Variants in RALGAPA2 observed in about 807,000 individuals in gnomAD.
The protein encoded by RALGAPA2 is Ral GTPase activating protein catalytic subunit alpha 2.
A neutral mutation model predicts 230.4 loss-of-function variants in RALGAPA2; 139 were observed. The observed-to-expected ratio is 0.60, with a 90% CI of 0.53 to 0.69. The LOEUF (loss-of-function observed/expected upper bound fraction) is 0.69, where lower values mean the gene tolerates loss of function less well. Among genes scored for constraint, RALGAPA2 ranks in the 30% least tolerant of loss-of-function variants. The probability of loss-of-function intolerance (pLI) is 0.00; values close to 1 mark genes in which losing one functional copy is unlikely to be tolerated. For missense variants in RALGAPA2, 2,163 were observed against 2,276.0 expected, an observed-to-expected ratio of 0.95 and a Z score of 1.01; for synonymous variants, 847 against 837.8, an observed-to-expected ratio of 1.01 and a Z score of -0.19.
intron 36 of RALGAPA2, among the ~76,000 whole-genome samples, chr20:20,493,643 A>C (rs2062125035): frequency 6.6e-6 from 1 of 152,220 alleles, no homozygotes; most frequent in Non-Finnish European, 1.5e-5. Flanking sequence ...TAATAAAGCC[A>C]ATTAATCCAT....
chr20:20,503,425 T>A lies in RALGAPA2; in HGVS notation c.5134A>T (p.Thr1712Ser). 6.2e-7 allele frequency: 1 copy of A among 1,609,572 alleles called. No homozygotes were observed. The highest frequency in any genetic ancestry group is 8.5e-7 in the Non-Finnish European group (1 of 1,177,200). Reference protein sequence around the residue: ...STGQTAPYYATSTVEVIFHVS... With the variant: ...STGQTAPYYASSTVEVIFHVS... ...TGGAAAATCACTTCCACAGTTGAGGTAGCATAGTAAGGGGCCGTCTGCCCG... is the reference window on the plus strand; with the variant it reads ...TGGAAAATCACTTCCACAGTTGAGGAAGCATAGTAAGGGGCCGTCTGCCCG... The change falls in exon 35 of 40, where the codon ACC becomes TCC. Residue 1712 changes from threonine to serine, a missense_variant. Physicochemically the swap from Thr to Ser is moderately conservative, Grantham distance 58. Coordinates refer to ENST00000202677, the MANE Select transcript of RALGAPA2 (RefSeq NM_020343.4).
chr20:20,407,558 AGAG>A (rs1444189304), intron 38 of RALGAPA2, among the ~76,000 whole-genome samples: 1 of 152,200 alleles, frequency 6.6e-6, no homozygotes, highest in African/African-American at 2.4e-5. Context: ...GTGAGTTCTA[AGAG>A]GAGTTTGTGT....
chr20:20,680,359 T>G (rs1422412632), intron 2 of RALGAPA2, among the ~76,000 whole-genome samples: 1 of 152,222 alleles, frequency 6.6e-6, no homozygotes, highest in Non-Finnish European at 1.5e-5. Context: ...GACACTTGAG[T>G]GTTCATTTCA....
At chr20:20,597,675 C>T (rs1324456699) in intron 16 of RALGAPA2, among the ~76,000 whole-genome samples, 1 of 152,028 alleles carries the variant, frequency 6.6e-6, no homozygotes, top group East Asian at 1.9e-4. Flanking sequence ...CTCATCTCTA[C>T]TAAAAATACA....
rs1161780587 is a variant in RALGAPA2 at position 20,391,766 on chromosome 20, A to AAGGGCAG, written c.*1516_*1522dup. The AAGGGCAG allele has an allele frequency of 2.0e-5, 3 of 152,744 alleles. No homozygotes were observed. The highest frequency in any genetic ancestry group is 4.4e-5 in the Non-Finnish European group (3 of 68,410). 9.5% of individuals were successfully genotyped at this position (152,744 alleles called of 1,614,324 possible). ...CAGCCTGAAGGTAACAAGTGTGTGC[A>AAGGGCAG]AGGGCAGAGGGCAGAGGGCACAGGA... On this transcript the variant is annotated 3_prime_UTR_variant, in exon 40 of 40. Transcript: ENST00000202677.
intron 34 of RALGAPA2, among the ~76,000 whole-genome samples, chr20:20,504,445 A>C (rs1254413221): frequency 6.6e-6 from 1 of 152,146 alleles, no homozygotes; most frequent in East Asian, 1.9e-4. Context: ...GAAACTAATA[A>C]AAAATAAGGA....
At chr20:20,638,572 G>C (rs1318434666) in intron 7 of RALGAPA2, among the ~76,000 whole-genome samples, 2 of 152,134 alleles carry the variant, frequency 1.3e-5, no homozygotes, top group Non-Finnish European at 2.9e-5. Flanking sequence ...CCTTATCTGA[G>C]GTCACACAAC....
chr20:20,404,121 C>T lies in RALGAPA2; in HGVS notation c.5618-7387G>A, dbSNP rs1049810408. Among the ~76,000 whole-genome samples, 5 of 152,030 alleles carry T rather than the reference C, an allele frequency of 3.3e-5. No individual in the cohort carries two copies. The East Asian group carries it at 9.7e-4, about 29-fold the overall frequency. On this transcript the variant is annotated intron_variant, in intron 38 of 39. Coordinates refer to ENST00000202677, the MANE Select transcript of RALGAPA2 (RefSeq NM_020343.4). ...TGGCCACAAAATAGAATAGGGTTTT[C>T]CCTATTCTTTCTCGGCATTGTCTAC...
intron 37 of RALGAPA2, among the ~76,000 whole-genome samples, chr20:20,444,558 C>T (rs1259879947): frequency 5.3e-5 from 8 of 152,182 alleles, no homozygotes; most frequent in Non-Finnish European, 1.2e-4. Context: ...AAATCACCAG[C>T]ACCTTCCTGC....
chr20:20,707,112 C>T (rs1053788793), intron 1 of RALGAPA2, among the ~76,000 whole-genome samples: 3 of 152,160 alleles, frequency 2.0e-5, no homozygotes, highest in Admixed American at 6.5e-5. Context: ...CTTCCCCCTT[C>T]CCAATTGTTC....
chr20:20,709,642 G>A (rs1350409323), intron 1 of RALGAPA2, among the ~76,000 whole-genome samples: 5 of 152,106 alleles, frequency 3.3e-5, no homozygotes, highest in Admixed American at 2.6e-4. Flanking sequence ...CTGCTACATG[G>A]CTTGATACGT....
Position 20,453,595 on chromosome 20 carries a change from A to C in RALGAPA2, c.5495+19234T>G, listed in dbSNP as rs184779175. ...TCCTTTCTTCCATCAAGTCCCTGTG[A>C]CGCCTATTCACCCTCCAATTGCCAG... On this transcript the variant is annotated intron_variant, in intron 37 of 39. Transcript: ENST00000202677. Among the ~76,000 whole-genome samples the C allele has an allele frequency of 1.1e-3, 161 of 152,282 alleles. 1 individual carries two copies. The highest frequency in any genetic ancestry group is 3.7e-3 in the African/African-American group (154 of 41,554).
intron 37 of RALGAPA2, among the ~76,000 whole-genome samples, chr20:20,451,657 T>C (rs927869361): frequency 3.3e-5 from 5 of 152,244 alleles, no homozygotes; most frequent in Non-Finnish European, 7.3e-5. Flanking sequence ...ATTGTGTAAA[T>C]GCAAATAACT....
At chr20:20,576,209 G>A (rs550757589) in intron 20 of RALGAPA2, among the ~76,000 whole-genome samples, 2 of 151,824 alleles carry the variant, frequency 1.3e-5, no homozygotes, top group East Asian at 1.9e-4. Context: ...TCTTATATTC[G>A]AATGGAATAT....
At chr20:20,396,375 AG>A (rs1400710875) in intron 39 of RALGAPA2, among the ~76,000 whole-genome samples, 1 of 152,284 alleles carries the variant, frequency 6.6e-6, no homozygotes, top group Non-Finnish European at 1.5e-5. Context: ...GCAACAAAAA[AG>A]GGGGCGGCCC....
At chr20:20,445,747 AAATTT>A (rs1476134623) in intron 37 of RALGAPA2, among the ~76,000 whole-genome samples, 4 of 152,222 alleles carry the variant, frequency 2.6e-5, no homozygotes, top group Non-Finnish European at 5.9e-5. Context: ...CATTATAAAT[AAATTT>A]AATTGCCCAA....
intron 2 of RALGAPA2, 134 bp downstream of exon 2, chr20:20,680,557 C>G: frequency 7.9e-7 from 1 of 1,265,412 alleles, no homozygotes; most frequent in Non-Finnish European, 1.0e-6. Context: ...CCACCCTGTC[C>G]ACCATGCTCT....
chr20:20,670,976 TAAAC>T (rs886218003), intron 3 of RALGAPA2, among the ~76,000 whole-genome samples: 5 of 144,152 alleles, frequency 3.5e-5, no homozygotes, highest in South Asian at 2.2e-4. Flanking sequence ...AAAAATATGA[TAAAC>T]AACTCCATGA....
chr20:20,671,314 T>C (rs1402072831), intron 3 of RALGAPA2, among the ~76,000 whole-genome samples: 2 of 152,354 alleles, frequency 1.3e-5, no homozygotes, highest in African/African-American at 2.4e-5. Context: ...ATCTCTTACC[T>C]CTATGCTTTC....
Sources: allele counts gnomAD v4.1 joint callset (sites outside exome capture counted in the v4.1 genomes callset), GRCh38; gene constraint gnomAD v4.1.1; transcripts MANE v1.5; gene names NCBI Gene and HGNC (gene_info 2026-07-23, HGNC 2026-07-21).